Variants in LEPR observed in about 807,000 individuals in gnomAD.
The protein encoded by LEPR is OB receptor.
In LEPR, 56 loss-of-function variants were observed where a neutral mutation model predicts 114.7. That is an observed-to-expected ratio of 0.49 (90% CI 0.39 to 0.61). The LOEUF is 0.61. LEPR is among the 20% of genes least tolerant of loss of function. LEPR has a pLI of 0.00. For synonymous variants in LEPR, 443 were observed against 461.4 expected, an observed-to-expected ratio of 0.96 and a Z score of 0.51; for missense variants, 1,202 against 1,352.9, an observed-to-expected ratio of 0.89 and a Z score of 1.75.
chr1:65,579,491 G>A (rs1044882521), intron 5 of LEPR, among the ~76,000 whole-genome samples: 2 of 152,228 alleles, frequency 1.3e-5, no homozygotes, highest in Admixed American at 1.3e-4. Context: ...AGTATTGAGA[G>A]AAGAAAGGAA....
rs970737967 is a variant in LEPR at position 65,431,972 on chromosome 1, A to G, written c.-21+6594A>G. 4.5e-6 allele frequency: 7 copies of G among 1,568,038 alleles called. No individual in the cohort carries two copies. In the African/African-American group the frequency reaches 9.6e-5, roughly 22 times the overall value. ...ATTTCTTAGAACTCATACTATCTGT[A>G]TACATGTGCACATGCGGCATTTTAC... On this transcript the variant is annotated intron_variant, in intron 2 of 19. Coordinates refer to ENST00000349533, the MANE Select transcript of LEPR (RefSeq NM_002303.6).
At chr1:65,490,048 C>T (rs1016346102) in intron 2 of LEPR, among the ~76,000 whole-genome samples, 1 of 152,036 alleles carries the variant, frequency 6.6e-6, no homozygotes, top group Non-Finnish European at 1.5e-5. Context: ...TGCAATCTTT[C>T]GGAAATTCTC....
intron 2 of LEPR, among the ~76,000 whole-genome samples, chr1:65,525,393 C>T (rs1263896520): frequency 1.3e-5 from 2 of 152,172 alleles, no homozygotes; most frequent in African/African-American, 4.8e-5. Context: ...CTGAGTTCGC[C>T]TGGGCTCTCG....
chr1:65,637,950 A>ATG lies in LEPR; in HGVS notation c.*935_*936insTG. ...CACAGTTACAGTCAGTGGGTGATGG[A>ATG]ATCAGAGTTCAGATTTAAATCCAGA... On this transcript the variant is annotated 3_prime_UTR_variant, in exon 20 of 20. Coordinates refer to ENST00000349533, the MANE Select transcript of LEPR (RefSeq NM_002303.6). The ATG allele has an allele frequency of 6.6e-6, 1 of 152,204 alleles. No individual in the cohort carries two copies. Among genetic ancestry groups the ATG allele is most frequent in the East Asian group, 1.9e-4 (1 of 5,198 alleles). The allele number at this position is 152,204 out of a possible 1,614,324, so 9.4% of individuals were successfully genotyped here.
intron 1 of LEPR, 35 bp downstream of exon 1, chr1:65,420,775 T>TG: frequency 6.4e-7 from 1 of 1,569,990 alleles, no homozygotes; most frequent in Non-Finnish European, 8.6e-7. Context: ...TGTCGTGTGG[T>TG]GGGGTTGCCA....
At chr1:65,456,003 C>T (rs1015575666) in intron 2 of LEPR, among the ~76,000 whole-genome samples, 7 of 152,170 alleles carry the variant, frequency 4.6e-5, no homozygotes, top group South Asian at 2.1e-4. Context: ...TTTTTAAGCC[C>T]GTCGGAAAAG....
chr1:65,487,452 T>A (rs939399682), intron 2 of LEPR, among the ~76,000 whole-genome samples: 2 of 152,068 alleles, frequency 1.3e-5, no homozygotes, highest in African/African-American at 2.4e-5. Context: ...TATTGGATAC[T>A]TGAATTGTTA....
At chr1:65,554,285 A>C (rs563969466) in intron 2 of LEPR, among the ~76,000 whole-genome samples, 1 of 152,288 alleles carries the variant, frequency 6.6e-6, no homozygotes, top group East Asian at 1.9e-4. Context: ...GGAATGTTTA[A>C]GTCTGCTGAA....
In LEPR at chr1:65,636,445, C is replaced by T. The variant is rs138826362; in HGVS notation, c.2928C>T (p.Asp976=). 64 of 1,614,010 alleles carry T rather than the reference C, an allele frequency of 4.0e-5. No individual in the cohort carries two copies. The highest frequency in any genetic ancestry group is 3.6e-4 in the African/African-American group (27 of 75,018). ...AGGGTACTGAGGTAACCTATGAGGA[C>T]GAAAGCCAGAGACAACCCTTTGTTA... The part of the protein sequence containing the change: ...EAEGTEVTYE[D]ESQRQPFVKY... Residue 976 remains aspartate (D), a synonymous_variant, in exon 20 of 20, where the codon GAC becomes GAT. Coordinates refer to ENST00000349533, the MANE Select transcript of LEPR (RefSeq NM_002303.6).
Position 65,639,910 on chromosome 1 carries a change from T to C in LEPR, c.*2895T>C, listed in dbSNP as rs1288075277. On this transcript the variant is annotated 3_prime_UTR_variant, in exon 20 of 20. Coordinates refer to ENST00000349533, the MANE Select transcript of LEPR (RefSeq NM_002303.6). ...ATAGGCACCTTCTGTTGGATCTCTGTGTCCATTTAGAGATGAGCTACAAGT... is the reference window on the plus strand; with the variant it reads ...ATAGGCACCTTCTGTTGGATCTCTGCGTCCATTTAGAGATGAGCTACAAGT... 4.6e-5 allele frequency: 7 copies of C among 152,092 alleles called. No individual in the cohort carries two copies. The highest frequency in any genetic ancestry group is 1.7e-4 in the African/African-American group (7 of 41,426). The allele number at this position is 152,092 out of a possible 1,614,324, so 9.4% of individuals were successfully genotyped here. A position where few individuals can be genotyped will look rare whatever the true frequency, so the allele number is the denominator to read the frequency against.
chr1:65,589,129 T>C (rs959688907), intron 5 of LEPR, among the ~76,000 whole-genome samples: 2 of 152,110 alleles, frequency 1.3e-5, no homozygotes, highest in Non-Finnish European at 2.9e-5. Flanking sequence ...TGGATAGTGA[T>C]ATCTCATTGT....
In LEPR at chr1:65,433,340, G is replaced by A. The variant is rs902144567; in HGVS notation, c.-21+7962G>A. 9.1e-6 allele frequency: 9 copies of A among 985,194 alleles called. No homozygotes were observed. The Admixed American group carries it at 5.5e-4, about 61-fold the overall frequency. 61.0% of individuals were successfully genotyped at this position (985,194 alleles called of 1,614,324 possible). A position where few individuals can be genotyped will look rare whatever the true frequency, so the allele number is the denominator to read the frequency against. ...GTAGGTCTTTTCTATATAACTTTAT[G>A]CCACCCTTAAATGAATCATTGGGTA... On this transcript the variant is annotated intron_variant, in intron 2 of 19. Coordinates refer to ENST00000349533, the MANE Select transcript of LEPR (RefSeq NM_002303.6).
chr1:65,433,037 C>G, intron 2 of LEPR: 1 of 985,336 alleles, frequency 1.0e-6, no homozygotes, highest in Non-Finnish European at 1.2e-6. Flanking sequence ...GGGGGAAGAG[C>G]TCCACTGAGA....
In LEPR at chr1:65,485,266, A is replaced by G. The variant is rs568901980; in HGVS notation, c.-21+59888A>G. ...AAGCAGTCAACACACGTTCATAATT[A>G]TGTTAATTTACAACTAACGTATCTT... On this transcript the variant is annotated intron_variant, in intron 2 of 19. Transcript: ENST00000349533. Among the ~76,000 whole-genome samples, 30 of 152,328 alleles carry G rather than the reference A, an allele frequency of 2.0e-4. No homozygotes were observed. In the South Asian group the frequency reaches 3.7e-3, roughly 19 times the overall value.
chr1:65,431,049 A>T (rs1054276422), intron 2 of LEPR, among the ~76,000 whole-genome samples: 5 of 152,162 alleles, frequency 3.3e-5, no homozygotes, highest in African/African-American at 1.2e-4. Context: ...GGGTTGTGAA[A>T]CCTGATTAGC....
intron 5 of LEPR, among the ~76,000 whole-genome samples, chr1:65,587,721 A>C (rs1308465017): frequency 6.6e-6 from 1 of 152,088 alleles, no homozygotes; most frequent in African/African-American, 2.4e-5. Context: ...AGCCATGCAA[A>C]TGTTGTTTCA....
At chr1:65,623,010 A>G in intron 19 of LEPR, 29 bp downstream of exon 19, 1 of 1,605,580 alleles carries the variant, frequency 6.2e-7, no homozygotes, top group Non-Finnish European at 8.5e-7. Context: ...TTTAACCCAG[A>G]ATATATACGA....
intron 2 of LEPR, among the ~76,000 whole-genome samples, chr1:65,441,566 C>G (rs1034583225): frequency 2.6e-5 from 4 of 152,036 alleles, no homozygotes; most frequent in African/African-American, 9.7e-5. Flanking sequence ...TTTATTTAAT[C>G]TTAGATAAGC....
chr1:65,496,187 GTCAA>G lies in LEPR; in HGVS notation c.-20-69353_-20-69350del, dbSNP rs1200137050. ...TCATAAATATATACAATTATTATGT[GTCAA>G]TCAATTTTTTTTAAAAAGCCACAAT... On this transcript the variant is annotated intron_variant, in intron 2 of 19. Transcript: ENST00000349533. Among the ~76,000 whole-genome samples, 3 of 152,102 alleles carry G rather than the reference GTCAA, an allele frequency of 2.0e-5. No individual in the cohort carries two copies. In the East Asian group the frequency reaches 5.8e-4, roughly 29 times the overall value.
Sources: allele counts gnomAD v4.1 joint callset (sites outside exome capture counted in the v4.1 genomes callset), GRCh38; gene constraint gnomAD v4.1.1; transcripts MANE v1.5; gene names NCBI Gene and HGNC (gene_info 2026-07-23, HGNC 2026-07-21).